The following IL7 variants were observed in gnomAD, a reference collection of about 807,000 sequenced individuals.
IL7 encodes the protein interleukin-7.
In IL7, 3 loss-of-function variants were observed where a neutral mutation model predicts 21.6. That is an observed-to-expected ratio of 0.14 (90% CI 0.06 to 0.36). The LOEUF (loss-of-function observed/expected upper bound fraction) is 0.36. Ranked by LOEUF, IL7 falls within the 10% of genes least tolerant of loss-of-function variation. The pLI is 1.00. For synonymous variants in IL7, 62 were observed against 68.1 expected, an observed-to-expected ratio of 0.91 and a Z score of 0.44; for missense variants, 175 against 200.2, an observed-to-expected ratio of 0.87 and a Z score of 0.76.
At chr8:78,703,322 A>G (rs1162376710) in intron 3 of IL7, among the ~76,000 whole-genome samples, 6 of 152,106 alleles carry the variant, frequency 3.9e-5, no homozygotes, top group Non-Finnish European at 5.9e-5. Flanking sequence ...GGTCCTAAAT[A>G]TTTATTTGTT....
intron 3 of IL7, among the ~76,000 whole-genome samples, chr8:78,706,661 A>C (rs1049517739): frequency 6.6e-6 from 1 of 152,156 alleles, no homozygotes; most frequent in Non-Finnish European, 1.5e-5. Context: ...CAATGCAAGT[A>C]CATGGATGTT....
intron 2 of IL7, among the ~76,000 whole-genome samples, chr8:78,762,750 C>G (rs1364976799): frequency 6.6e-6 from 1 of 151,426 alleles, no homozygotes; most frequent in Non-Finnish European, 1.5e-5. Flanking sequence ...CTTTTTCAGG[C>G]TTTTTAACAT....
At chr8:78,678,419 G>T in intron 4 of IL7, 1 of 643,292 alleles carries the variant, frequency 1.6e-6, no homozygotes, top group African/African-American at 1.8e-5. Flanking sequence ...GTTAAGGCAA[G>T]GTGTATCTTA....
chr8:78,703,416 A>G (rs974167358), intron 3 of IL7, among the ~76,000 whole-genome samples: 1 of 152,134 alleles, frequency 6.6e-6, no homozygotes, highest in Admixed American at 6.6e-5. Flanking sequence ...TCTAAGTCTC[A>G]TTGAAGGTCT....
chr8:78,764,588 C>G (rs1045912196), intron 2 of IL7, among the ~76,000 whole-genome samples: 1 of 151,460 alleles, frequency 6.6e-6, no homozygotes, highest in African/African-American at 2.4e-5. Flanking sequence ...TGTTAGCAGC[C>G]CTAAAAATAA....
chr8:78,707,067 G>A lies in IL7; in HGVS notation n.214+14281C>T, dbSNP rs56815353. Among the ~76,000 whole-genome samples, 53 of 152,282 alleles carry A rather than the reference G, an allele frequency of 3.5e-4. No individual in the cohort carries two copies. In the East Asian group the frequency reaches 8.7e-3, roughly 25 times the overall value. ...TCTGATTTATTTTCTTCTCCAATGA[G>A]TTGACTCATTGGATGATTAAGTGAA... On this transcript the variant is annotated intron_variant and non_coding_transcript_variant, in intron 3 of 4. Coordinates refer to the IL7 transcript ENST00000523959.
chr8:78,804,560 C>T (rs1482638434), intron 1 of IL7, among the ~76,000 whole-genome samples: 1 of 152,214 alleles, frequency 6.6e-6, no homozygotes, highest in Non-Finnish European at 1.5e-5. Flanking sequence ...GCCAGGAGCA[C>T]GGGAAGGGCG....
At chr8:78,764,699 G>A (rs112512029) in intron 2 of IL7, among the ~76,000 whole-genome samples, 27 of 151,952 alleles carry the variant, frequency 1.8e-4, no homozygotes, top group Non-Finnish European at 2.8e-4. Flanking sequence ...AATAAATGGA[G>A]AGATATTCCA....
At position 78,738,607 on chromosome 8, in the gene IL7, C is replaced by T. The variant is rs777362621; in HGVS notation, c.257G>A (p.Arg86His). The change falls in exon 4 of 6, where the codon CGC becomes CAC. Residue 86 changes from arginine (R) to histidine (H), a missense_variant. Transcript: ENST00000263851. ...KEGMFLFRAA[R>H]KLRQFLKMNS... ...CATTTTAAGAAATTGCCTCAACTTG[C>T]GAGCAGCACGGAATAAAAACATACC... 2 of 1,613,404 alleles carry T rather than the reference C, an allele frequency of 1.2e-6. No individual in the cohort carries two copies. Among genetic ancestry groups the T allele is most frequent in the Admixed American group, 1.7e-5 (1 of 59,984 alleles).
chr8:78,733,474 C>G lies in IL7; in HGVS notation c.*239G>C. On this transcript the variant is annotated 3_prime_UTR_variant, in exon 6 of 6. Transcript: ENST00000263851. Reference sequence around the variant, plus strand: ...TTACAAAAATCAGTACAGAATTATACTGATTGATAAATGTTCACATATATA... The same window carrying G: ...TTACAAAAATCAGTACAGAATTATAGTGATTGATAAATGTTCACATATATA... 2.7e-6 allele frequency: 1 copy of G among 376,360 alleles called. No homozygotes were observed. Among genetic ancestry groups the G allele is most frequent in the Non-Finnish European group, 4.8e-6 (1 of 210,180 alleles). 23.3% of individuals were successfully genotyped at this position (376,360 alleles called of 1,614,324 possible). A position where few individuals can be genotyped will look rare whatever the true frequency, so the allele number is the denominator to read the frequency against.
chr8:78,714,233 A>T (rs1232061668), downstream of IL7, among the ~76,000 whole-genome samples: 2 of 152,146 alleles, frequency 1.3e-5, no homozygotes, highest in African/African-American at 4.8e-5. Flanking sequence ...TAAGTTACTT[A>T]GGGGCTCTTT....
intron 3 of IL7, chr8:78,686,689 C>G (rs755121274): frequency 2.3e-6 from 3 of 1,332,286 alleles, no homozygotes; most frequent in Non-Finnish European, 2.9e-6. Flanking sequence ...ACTTGTTAAG[C>G]TTAACTTACA....
chr8:78,768,624 T>G (rs1334729531), intron 2 of IL7, among the ~76,000 whole-genome samples: 2 of 151,810 alleles, frequency 1.3e-5, no homozygotes, highest in Admixed American at 1.3e-4. Context: ...GGGTGTTTGT[T>G]TTTTTCTTGT....
intron 2 of IL7, among the ~76,000 whole-genome samples, chr8:78,788,951 C>A (rs1340134874): frequency 4.6e-5 from 7 of 152,050 alleles, no homozygotes; most frequent in African/African-American, 1.7e-4. Context: ...GGATAATTGG[C>A]CCTTTATTAT....
intron 2 of IL7, among the ~76,000 whole-genome samples, chr8:78,784,048 T>A (rs1813429111): frequency 6.6e-6 from 1 of 152,192 alleles, no homozygotes; most frequent in African/African-American, 2.4e-5. Context: ...CATATAATGA[T>A]TTTAAAATGT....
At chr8:78,684,804 AGATAC>A (rs1456536154) in intron 4 of IL7, among the ~76,000 whole-genome samples, 1 of 152,218 alleles carries the variant, frequency 6.6e-6, no homozygotes, top group Non-Finnish European at 1.5e-5. Flanking sequence ...TTTATAATAA[AGATAC>A]AAGACTTCCA....
At chr8:78,681,797 T>C (rs1809791734) in intron 4 of IL7, among the ~76,000 whole-genome samples, 1 of 152,122 alleles carries the variant, frequency 6.6e-6, no homozygotes, top group Non-Finnish European at 1.5e-5. Context: ...AATTATTAAA[T>C]TTATTGGCAT....
At chr8:78,717,595 C>A, downstream of IL7, 3 of 1,259,978 alleles carry the variant, frequency 2.4e-6, no homozygotes, top group Non-Finnish European at 3.2e-6. Context: ...TAAAAATACT[C>A]GAAATACCAT....
At chr8:78,780,199 A>T (rs1339225231) in intron 2 of IL7, among the ~76,000 whole-genome samples, 1 of 151,864 alleles carries the variant, frequency 6.6e-6, no homozygotes, top group African/African-American at 2.4e-5. Flanking sequence ...ATTCATTAAT[A>T]TTTTGAAGGG....
Sources: gnomAD v4.1 joint callset for allele counts (sites outside exome capture counted in the v4.1 genomes callset) on GRCh38, gnomAD v4.1.1 for gene constraint, MANE v1.5 for transcripts, NCBI Gene and HGNC (gene_info 2026-07-23, HGNC 2026-07-21) for gene names.